Variants in FHIT observed in about 807,000 individuals in gnomAD.
FHIT encodes bis(5'-adenosyl)-triphosphatase.
A neutral mutation model predicts 17.9 loss-of-function variants in FHIT; 19 were observed. That is an observed-to-expected ratio of 1.06 (90% CI 0.74 to 1.56). The LOEUF (loss-of-function observed/expected upper bound fraction) is 1.56, where lower values mean the gene tolerates loss of function less well. Among genes scored for constraint, FHIT ranks in the 40% most tolerant of loss-of-function variants. The pLI, the probability that FHIT is intolerant of heterozygous loss-of-function variation, is 0.00. For missense variants in FHIT, 248 were observed against 189.2 expected (o/e 1.31, Z -1.82); for synonymous variants, 81 against 69.7 (o/e 1.16, Z -0.81).
At chr3:60,876,027 T>A (rs1203676405) in intron 3 of FHIT, among the ~76,000 whole-genome samples, 1 of 151,742 alleles carries the variant, frequency 6.6e-6, no homozygotes, top group African/African-American at 2.4e-5. Flanking sequence ...ATCAGAGATC[T>A]CTGAAGAAGT....
At chr3:60,326,083 C>T (rs1233376691) in intron 5 of FHIT, among the ~76,000 whole-genome samples, 2 of 152,004 alleles carry the variant, frequency 1.3e-5, no homozygotes, top group African/African-American at 2.4e-5. Context: ...CAGTCAGTCC[C>T]CAACCTTTCT....
intron 8 of FHIT, among the ~76,000 whole-genome samples, chr3:59,894,563 G>T (rs1442162298): frequency 1.3e-5 from 2 of 150,396 alleles, no homozygotes; most frequent in Non-Finnish European, 3.0e-5. Context: ...TGGTGGAGTG[G>T]GACAAGTCAA....
At chr3:60,341,929 C>T (rs1177373039) in intron 5 of FHIT, among the ~76,000 whole-genome samples, 2 of 152,054 alleles carry the variant, frequency 1.3e-5, no homozygotes, top group Non-Finnish European at 2.9e-5. Flanking sequence ...TGTCACATGA[C>T]CAGCGAGGAT....
At chr3:60,281,493 CAAAA>C (rs1707451978) in intron 5 of FHIT, among the ~76,000 whole-genome samples, 1 of 151,654 alleles carries the variant, frequency 6.6e-6, no homozygotes, top group African/African-American at 2.4e-5. Flanking sequence ...GTAAGTGAAT[CAAAA>C]GAACAGAAGA....
intron 3 of FHIT, among the ~76,000 whole-genome samples, chr3:60,892,721 C>T (rs1431776033): frequency 6.6e-6 from 1 of 152,092 alleles, no homozygotes; most frequent in East Asian, 1.9e-4. Context: ...AAATGCCCTA[C>T]AGTAGAGTGA....
intron 5 of FHIT, among the ~76,000 whole-genome samples, chr3:60,155,629 C>A (rs909241039): frequency 2.6e-5 from 4 of 152,188 alleles, no homozygotes; most frequent in African/African-American, 9.6e-5. Context: ...TCAAATACCC[C>A]AATACTCAGC....
chr3:60,159,382 A>G (rs1166968187), intron 5 of FHIT, among the ~76,000 whole-genome samples: 1 of 152,184 alleles, frequency 6.6e-6, no homozygotes, highest in African/African-American at 2.4e-5. Flanking sequence ...TGGTCTCCCA[A>G]AGTGCTGGAA....
Position 60,229,330 on chromosome 3 carries a change from T to C in FHIT, c.104-215178A>G, listed in dbSNP as rs985031297. Among the ~76,000 whole-genome samples, 7 of 150,366 alleles carry C rather than the reference T, an allele frequency of 4.7e-5. No individual in the cohort carries two copies. In the South Asian group the frequency reaches 8.4e-4, roughly 18 times the overall value. On this transcript the variant is annotated intron_variant, in intron 5 of 9. Transcript: ENST00000492590. ...TACTTGGGAGGCTGAGGCAGGAGAA[T>C]CACTTGAACCAGGGAGGCGGAGGTT...
chr3:60,992,721 G>C (rs1447919049), intron 3 of FHIT, among the ~76,000 whole-genome samples: 1 of 152,152 alleles, frequency 6.6e-6, no homozygotes, highest in African/African-American at 2.4e-5. Flanking sequence ...CCTTTCAATT[G>C]TGCTGAATTT....
chr3:60,667,866 C>T (rs976045556), intron 4 of FHIT, among the ~76,000 whole-genome samples: 2 of 151,954 alleles, frequency 1.3e-5, no homozygotes, highest in Non-Finnish European at 2.9e-5. Flanking sequence ...CTTGATTAAT[C>T]TGGTTGCAAG....
intron 5 of FHIT, among the ~76,000 whole-genome samples, chr3:60,097,704 CTTT>C (rs983586652): frequency 0.012 from 1,849 of 150,736 alleles, 37 homozygotes; most frequent in African/African-American, 0.043. Flanking sequence ...TTAATTTTTT[CTTT>C]TTTTTAAAAT....
At chr3:60,706,564 A>G (rs1253718774) in intron 4 of FHIT, among the ~76,000 whole-genome samples, 1 of 152,194 alleles carries the variant, frequency 6.6e-6, no homozygotes, top group African/African-American at 2.4e-5. Flanking sequence ...AATTACCTCG[A>G]CATTTTAAAA....
Position 60,769,711 on chromosome 3 carries a change from C to T in FHIT, c.-18+52208G>A, listed in dbSNP as rs553055382. On this transcript the variant is annotated intron_variant, in intron 4 of 9. Transcript: ENST00000492590. ...TTGCCTTGTGTGAACGCAGTTTGAA[C>T]ATTCAGCAGTCTATGTGTGGTTGAA... is the stretch of plus-strand genomic sequence containing the variant. 2.1e-4 allele frequency among the ~76,000 whole-genome samples: 32 copies of T among 152,332 alleles called. No homozygotes were observed. The South Asian group carries it at 3.1e-3, about 15-fold the overall frequency.
intron 2 of FHIT, among the ~76,000 whole-genome samples, chr3:61,118,773 A>G (rs558419598): frequency 1.3e-5 from 2 of 152,336 alleles, no homozygotes; most frequent in South Asian, 4.1e-4. Flanking sequence ...AAGGAACTTT[A>G]TCTCACACAT....
chr3:59,870,542 A>G (rs1163883299), intron 8 of FHIT, among the ~76,000 whole-genome samples: 1 of 152,216 alleles, frequency 6.6e-6, no homozygotes, highest in African/African-American at 2.4e-5. Context: ...TCCTTTTGGC[A>G]GTGGTGATTG....
chr3:60,809,069 A>T (rs1366952846), intron 4 of FHIT, among the ~76,000 whole-genome samples: 3 of 152,230 alleles, frequency 2.0e-5, no homozygotes. Flanking sequence ...AGTAATCAAC[A>T]TGCAGTTTCA....
At chr3:61,175,913 T>C (rs2038143927) in intron 2 of FHIT, among the ~76,000 whole-genome samples, 1 of 152,216 alleles carries the variant, frequency 6.6e-6, no homozygotes, top group Admixed American at 6.5e-5. Context: ...CTTAAGACAA[T>C]GGATAACTAA....
At chr3:60,029,775 TAATTG>T (rs1278575476) in intron 5 of FHIT, among the ~76,000 whole-genome samples, 2 of 152,132 alleles carry the variant, frequency 1.3e-5, no homozygotes, top group Non-Finnish European at 2.9e-5. Flanking sequence ...GAGAATTACC[TAATTG>T]TTTTGAGGTA....
chr3:61,035,888 A>G (rs1341294857), intron 3 of FHIT, among the ~76,000 whole-genome samples: 2 of 152,208 alleles, frequency 1.3e-5, no homozygotes, highest in Non-Finnish European at 2.9e-5. Context: ...ATATTCCAAT[A>G]GATAAAATCC....
Sources: gnomAD v4.1 joint callset for allele counts (sites outside exome capture counted in the v4.1 genomes callset) on GRCh38, gnomAD v4.1.1 for gene constraint, MANE v1.5 for transcripts, NCBI Gene and HGNC (gene_info 2026-07-23, HGNC 2026-07-21) for gene names.